The following AGBL4 variants were observed in gnomAD, a reference collection of about 807,000 sequenced individuals.
The protein encoded by AGBL4 is AGBL carboxypeptidase 4.
A neutral mutation model predicts 66.4 loss-of-function variants in AGBL4; 58 were observed. The ratio of observed to expected loss-of-function variants is 0.87; its 90% CI spans 0.71 to 1.09. AGBL4 has a LOEUF of 1.09. AGBL4 is among the 50% of genes least tolerant of loss of function. The pLI is 0.00. For synonymous variants in AGBL4, 234 were observed against 222.9 expected, an observed-to-expected ratio of 1.05 and a Z score of -0.44; for missense variants, 579 against 631.0, an observed-to-expected ratio of 0.92 and a Z score of 0.88.
intron 4 of AGBL4, among the ~76,000 whole-genome samples, chr1:49,130,122 G>A (rs1645858956): frequency 6.6e-6 from 1 of 152,164 alleles, no homozygotes; most frequent in Non-Finnish European, 1.5e-5. Context: ...CTTTTGAGAA[G>A]TGTCTGTTCA....
At chr1:48,885,919 C>G (rs1650278526) in intron 5 of AGBL4, among the ~76,000 whole-genome samples, 1 of 152,216 alleles carries the variant, frequency 6.6e-6, no homozygotes, top group Non-Finnish European at 1.5e-5. Flanking sequence ...GGTATTGCAA[C>G]CATCACACTG....
intron 3 of AGBL4, among the ~76,000 whole-genome samples, chr1:49,430,066 C>G (rs1273969339): frequency 6.6e-6 from 1 of 151,954 alleles, no homozygotes; most frequent in African/African-American, 2.4e-5. Context: ...AGGCTGGTCT[C>G]AAACTCAAAC....
chr1:49,808,703 C>T (rs1446233931), intron 2 of AGBL4, among the ~76,000 whole-genome samples: 1 of 151,968 alleles, frequency 6.6e-6, no homozygotes, highest in Non-Finnish European at 1.5e-5. Context: ...AGAAAAAGCA[C>T]GTTGAATATA....
At chr1:49,231,173 T>C (rs1650281386) in intron 4 of AGBL4, among the ~76,000 whole-genome samples, 1 of 152,210 alleles carries the variant, frequency 6.6e-6, no homozygotes, top group Non-Finnish European at 1.5e-5. Flanking sequence ...TATTATTGGT[T>C]CCATTTTATA....
intron 9 of AGBL4, among the ~76,000 whole-genome samples, chr1:48,594,017 C>T: frequency 6.6e-6 from 1 of 152,226 alleles, no homozygotes; most frequent in Admixed American, 6.5e-5. Flanking sequence ...AGTTAAGAAT[C>T]TTTTCATATG....
intron 3 of AGBL4, among the ~76,000 whole-genome samples, chr1:49,676,123 T>C (rs1418833839): frequency 7.2e-5 from 11 of 152,028 alleles, no homozygotes; most frequent in Non-Finnish European, 1.6e-4. Flanking sequence ...CCCAGAGAGG[T>C]AAAATGGTTT....
intron 1 of AGBL4, among the ~76,000 whole-genome samples, chr1:49,972,120 T>C (rs1658179854): frequency 6.6e-6 from 1 of 151,564 alleles, no homozygotes; most frequent in South Asian, 2.1e-4. Flanking sequence ...GGTTTCACCA[T>C]GTTAGCCAGG....
intron 6 of AGBL4, among the ~76,000 whole-genome samples, chr1:48,835,372 A>T (rs1240174261): frequency 6.6e-6 from 1 of 152,140 alleles, no homozygotes; most frequent in Non-Finnish European, 1.5e-5. Context: ...GTCCTCCTGG[A>T]ACTTATAGGC....
At chr1:49,751,390 T>C (rs1476941416) in intron 2 of AGBL4, among the ~76,000 whole-genome samples, 1 of 152,210 alleles carries the variant, frequency 6.6e-6, no homozygotes. Context: ...CGTTTACTGA[T>C]TTAAGTATGT....
intron 5 of AGBL4, among the ~76,000 whole-genome samples, chr1:48,931,169 TG>T (rs1655007211): frequency 6.6e-6 from 1 of 152,184 alleles, no homozygotes; most frequent in African/African-American, 2.4e-5. Context: ...AACTAATATA[TG>T]GTGAACTAAA....
intron 3 of AGBL4, among the ~76,000 whole-genome samples, chr1:49,375,945 T>C (rs1410034250): frequency 6.6e-6 from 1 of 152,038 alleles, no homozygotes; most frequent in South Asian, 2.1e-4. Flanking sequence ...AAGAAATGTC[T>C]CCCAAGATCC....
chr1:49,099,257 G>GT (rs1239160895), intron 4 of AGBL4, among the ~76,000 whole-genome samples: 2 of 152,136 alleles, frequency 1.3e-5, no homozygotes, highest in Non-Finnish European at 2.9e-5. Flanking sequence ...CAGGTATATG[G>GT]TATGTCCAAA....
At chr1:48,822,082 T>A (rs935689560) in intron 6 of AGBL4, among the ~76,000 whole-genome samples, 1 of 152,158 alleles carries the variant, frequency 6.6e-6, no homozygotes, top group African/African-American at 2.4e-5. Flanking sequence ...GACAAAGGTA[T>A]GGAGCAATTG....
intron 2 of AGBL4, among the ~76,000 whole-genome samples, chr1:49,772,850 C>T (rs930502281): frequency 1.3e-5 from 2 of 152,078 alleles, no homozygotes; most frequent in African/African-American, 4.8e-5. Flanking sequence ...TACTAGGGAC[C>T]TTTGAGCCTC....
chr1:50,019,541 C>T (rs775423364), intron 1 of AGBL4, among the ~76,000 whole-genome samples: 8 of 151,894 alleles, frequency 5.3e-5, no homozygotes, highest in Admixed American at 3.3e-4. Flanking sequence ...ATTTCTAAGG[C>T]GTTTTACAAT....
intron 3 of AGBL4, among the ~76,000 whole-genome samples, chr1:49,400,943 G>A (rs892689845): frequency 7.2e-5 from 11 of 151,986 alleles, no homozygotes; most frequent in African/African-American, 2.7e-4. Flanking sequence ...ACTAGCTATG[G>A]GTCTGTCATA....
At chr1:48,959,985 C>T (rs1229248246) in intron 5 of AGBL4, among the ~76,000 whole-genome samples, 1 of 152,184 alleles carries the variant, frequency 6.6e-6, no homozygotes, top group Non-Finnish European at 1.5e-5. Context: ...ATCTGACTTT[C>T]ATTTCAGAAG....
At chr1:49,576,186 T>C (rs1644433104) in intron 3 of AGBL4, among the ~76,000 whole-genome samples, 2 of 152,202 alleles carry the variant, frequency 1.3e-5, no homozygotes, top group African/African-American at 4.8e-5. Flanking sequence ...CTATTTGGAT[T>C]CTGGAGGCAA....
intron 1 of AGBL4, among the ~76,000 whole-genome samples, chr1:49,882,495 C>T (rs1324162978): frequency 5.9e-5 from 9 of 151,578 alleles, no homozygotes; most frequent in Middle Eastern, 3.2e-3. Flanking sequence ...GCCATTTTCA[C>T]GATATTGATT....
Sources: gnomAD v4.1 joint callset for allele counts (sites outside exome capture counted in the v4.1 genomes callset) on GRCh38, gnomAD v4.1.1 for gene constraint, MANE v1.5 for transcripts, NCBI Gene and HGNC (gene_info 2026-07-23, HGNC 2026-07-21) for gene names.